The following HEG1 variants were observed in gnomAD, a reference collection of about 807,000 sequenced individuals.
The protein encoded by HEG1 is protein HEG homolog 1.
In HEG1, 56 loss-of-function variants were observed where a neutral mutation model predicts 125.6. That is an observed-to-expected ratio of 0.45 (90% CI 0.36 to 0.56). The LOEUF is 0.56. Ranked by LOEUF, HEG1 falls within the 20% of genes least tolerant of loss-of-function variation. The probability of loss-of-function intolerance (pLI) is 0.00; values close to 1 mark genes in which losing one functional copy is unlikely to be tolerated. For missense variants in HEG1, 1,523 were observed against 1,670.0 expected, an observed-to-expected ratio of 0.91 and a Z score of 1.53; for synonymous variants, 644 against 668.5, an observed-to-expected ratio of 0.96 and a Z score of 0.57.
Position 124,967,426 on chromosome 3 carries a change from C to A in HEG1, c.*3226G>T, listed in dbSNP as rs1936335192. The A allele has an allele frequency of 6.7e-6, 1 of 148,768 alleles. No individual in the cohort carries two copies. The highest frequency in any genetic ancestry group is 1.5e-5 in the Non-Finnish European group (1 of 67,646). The allele number at this position is 148,768 out of a possible 1,614,324, so 9.2% of individuals were successfully genotyped here. On this transcript the variant is annotated 3_prime_UTR_variant, in exon 17 of 17. Coordinates refer to ENST00000311127, the MANE Select transcript of HEG1 (RefSeq NM_020733.2). ...CTAAGAATTACATATAAAAAACAAT[C>A]TGAAAGCACATTTTCAAAAGGGTAG...
chr3:125,026,695 C>G (rs1417110357), intron 3 of HEG1, among the ~76,000 whole-genome samples: 1 of 152,158 alleles, frequency 6.6e-6, no homozygotes, highest in African/African-American at 2.4e-5. Flanking sequence ...GGTAAGGTCT[C>G]TTGTTTGAGA....
intron 1 of HEG1, among the ~76,000 whole-genome samples, chr3:125,054,458 C>T (rs1469361860): frequency 3.3e-5 from 5 of 152,164 alleles, no homozygotes; most frequent in Non-Finnish European, 7.3e-5. Context: ...TAAGAAGCAC[C>T]TCTAGGTTGG....
At chr3:125,010,322 A>G in intron 7 of HEG1, 117 bp downstream of exon 7, 1 of 620,444 alleles carries the variant, frequency 1.6e-6, no homozygotes, top group Non-Finnish European at 2.8e-6. Flanking sequence ...ACTCTCAAGT[A>G]AGCAGGGTAT....
intron 10 of HEG1, 92 bp from the exon 11 acceptor site, chr3:125,002,104 G>T (rs917169510): frequency 2.6e-6 from 4 of 1,537,504 alleles, no homozygotes; most frequent in Non-Finnish European, 3.6e-6. Context: ...ATTCACCAGT[G>T]ACGGGATGGG....
At chr3:125,019,145 G>C (rs897152660) in intron 5 of HEG1, 117 bp downstream of exon 5, 12 of 835,328 alleles carry the variant, frequency 1.4e-5, no homozygotes, top group Non-Finnish European at 2.1e-5. Flanking sequence ...TGGGATTACA[G>C]GCGTGAGCCA....
chr3:124,987,952 C>CACACACACACACAT, intron 14 of HEG1, among the ~76,000 whole-genome samples: 960 of 54,622 alleles, frequency 0.018, 37 homozygotes, highest in East Asian at 0.092. Flanking sequence ...CACACACACA[C>CACACACACACACAT]ATATATATAT....
intron 1 of HEG1, among the ~76,000 whole-genome samples, chr3:125,042,289 A>G (rs1302384698): frequency 6.6e-6 from 1 of 152,164 alleles, no homozygotes; most frequent in African/African-American, 2.4e-5. Flanking sequence ...TTAGCCAGGC[A>G]TGGTGGCACA....
intron 12 of HEG1, among the ~76,000 whole-genome samples, chr3:124,993,404 A>G (rs1434375912): frequency 4.6e-5 from 7 of 152,070 alleles, no homozygotes; most frequent in African/African-American, 9.7e-5. Flanking sequence ...CCATCTCCCA[A>G]TCTTTGATAC....
intron 14 of HEG1, among the ~76,000 whole-genome samples, chr3:124,983,839 T>G (rs1351254407): frequency 6.6e-6 from 1 of 152,088 alleles, no homozygotes; most frequent in Non-Finnish European, 1.5e-5. Flanking sequence ...CCCTTCCACC[T>G]CACCAAATAG....
chr3:125,055,908 G>C lies in HEG1; in HGVS notation c.-18C>G. 7.2e-6 allele frequency: 7 copies of C among 978,110 alleles called. No individual in the cohort carries two copies. Among genetic ancestry groups the C allele is most frequent in the Non-Finnish European group, 7.3e-6 (6 of 826,108 alleles). The allele number at this position is 978,110 out of a possible 1,614,324, so 60.6% of individuals were successfully genotyped here. ...GAGGCCATGGTGACGGCGCCCGCCCGCGCTCACATGCCCGGCGCGCGGGGC... is the reference window on the plus strand; with the variant it reads ...GAGGCCATGGTGACGGCGCCCGCCCCCGCTCACATGCCCGGCGCGCGGGGC... On this transcript the variant is annotated 5_prime_UTR_variant, in exon 1 of 17. Coordinates refer to ENST00000311127, the MANE Select transcript of HEG1 (RefSeq NM_020733.2).
At chr3:125,052,108 C>T (rs1283117105) in intron 1 of HEG1, among the ~76,000 whole-genome samples, 1 of 147,376 alleles carries the variant, frequency 6.8e-6, no homozygotes, top group Non-Finnish European at 1.5e-5. Flanking sequence ...AACACTCATG[C>T]ACCACGGAGA....
In HEG1 at chr3:124,967,462, T is replaced by C. The variant is rs1270213480; in HGVS notation, c.*3190A>G. 1 of 150,884 alleles carries C rather than the reference T, an allele frequency of 6.6e-6. No individual in the cohort carries two copies. Among genetic ancestry groups the C allele is most frequent in the Non-Finnish European group, 1.5e-5 (1 of 67,886 alleles). The allele number at this position is 150,884 out of a possible 1,614,324, so 9.3% of individuals were successfully genotyped here. On this transcript the variant is annotated 3_prime_UTR_variant, in exon 17 of 17. Coordinates refer to ENST00000311127, the MANE Select transcript of HEG1 (RefSeq NM_020733.2). ...TTTTCAAAAGGGTAGTCAGCATTTT[T>C]TTTTTTTTTTTTTTGCATTTCACGT...
rs111440880 is a variant in HEG1 at position 125,037,792 on chromosome 3, A to G, written c.317-8304T>C. Among the ~76,000 whole-genome samples the G allele has an allele frequency of 1.1e-3, 167 of 152,316 alleles. 2 individuals carry two copies. The highest frequency in any genetic ancestry group is 3.9e-3 in the African/African-American group (163 of 41,572). On this transcript the variant is annotated intron_variant, in intron 1 of 16. Transcript: ENST00000311127. ...TTAATAAGAGAGGCAGTGGGGGAAT[A>G]CACAGACTGTGGTTCAAGTCAGACC...
At chr3:125,005,422 G>C in intron 8 of HEG1, 54 bp from the exon 9 acceptor site, 1 of 991,042 alleles carries the variant, frequency 1.0e-6, no homozygotes, top group Non-Finnish European at 1.5e-6. Flanking sequence ...CCTATGCAAG[G>C]CTGTGTGTTT....
In HEG1 at chr3:125,020,917, G is replaced by C; in HGVS notation, c.1127C>G (p.Pro376Arg). The change falls in exon 4 of 17, where the codon CCC becomes CGC. Residue 376 changes from proline to arginine, a missense_variant. Pro to Arg is a moderately radical substitution (Grantham distance 103). Transcript: ENST00000311127. ...GTTTCTTCTCGATTCCACTGCAGAG[G>C]GTGAAAGAAGGACTGAGGATGAAGT... ...ATTSSSVLLSPSAVESRRNSR... is the reference protein window; with the variant it reads ...ATTSSSVLLSRSAVESRRNSR... The C allele has an allele frequency of 6.2e-7, 1 of 1,613,998 alleles. No individual in the cohort carries two copies. Among genetic ancestry groups the C allele is most frequent in the South Asian group, 1.1e-5 (1 of 91,078 alleles).
At chr3:125,028,150 C>T (rs1327428679) in intron 2 of HEG1, among the ~76,000 whole-genome samples, 2 of 152,238 alleles carry the variant, frequency 1.3e-5, no homozygotes, top group Non-Finnish European at 2.9e-5. Context: ...ATTTCTCTGT[C>T]TGCCTGGGTG....
rs1254204666 is a variant in HEG1, at chr3:125,013,407, CGTT to C, written c.2169_2171del (p.Thr725del). The C allele has an allele frequency of 3.1e-6, 5 of 1,613,690 alleles. No individual in the cohort carries two copies. Among genetic ancestry groups the C allele is most frequent in the Admixed American group, 1.7e-5 (1 of 59,996 alleles). ...CAGAAAGTGGGGCAGATGTAGATGT[CGTT>C]AAGGATACTGGTAAAGGTGATGGTG... On this transcript the variant is annotated inframe_deletion, in exon 6 of 17. Transcript: ENST00000311127.
chr3:125,007,430 C>T (rs1937089721), intron 8 of HEG1, among the ~76,000 whole-genome samples: 1 of 152,050 alleles, frequency 6.6e-6, no homozygotes, highest in Non-Finnish European at 1.5e-5. Context: ...AGAAGTTTTA[C>T]TTCCAATTTA....
intron 1 of HEG1, among the ~76,000 whole-genome samples, chr3:125,045,546 AAG>A (rs1399831843): frequency 6.6e-6 from 1 of 152,214 alleles, no homozygotes; most frequent in Admixed American, 6.5e-5. Context: ...TGGGAGGCAG[AAG>A]AGATGGGAAA....
Sources: gnomAD v4.1 joint callset for allele counts (sites outside exome capture counted in the v4.1 genomes callset) on GRCh38, gnomAD v4.1.1 for gene constraint, MANE v1.5 for transcripts, NCBI Gene and HGNC (gene_info 2026-07-23, HGNC 2026-07-21) for gene names.